EEF2K: variants seen among roughly 807,000 people sequenced by gnomAD.
EEF2K encodes alternative protein EEF2K.
A neutral mutation model predicts 93.8 loss-of-function variants in EEF2K; 70 were observed. The observed-to-expected ratio is 0.75, with a 90% CI of 0.62 to 0.91. EEF2K has a LOEUF of 0.91. Among genes scored for constraint, EEF2K ranks in the 40% least tolerant of loss-of-function variants. The pLI is 0.00. For missense variants in EEF2K, 935 were observed against 972.9 expected (o/e 0.96, Z 0.52); for synonymous variants, 376 against 380.8 (o/e 0.99, Z 0.15).
At chr16:22,214,384 G>A (rs1011223406) in intron 1 of EEF2K, among the ~76,000 whole-genome samples, 6 of 151,990 alleles carry the variant, frequency 3.9e-5, no homozygotes, top group East Asian at 3.9e-4. Flanking sequence ...TGAGGCTGCC[G>A]TGAGCCATGA....
chr16:22,250,616 G>A, intron 4 of EEF2K, 38 bp from the exon 5 acceptor site: 1 of 1,614,022 alleles, frequency 6.2e-7, no homozygotes, highest in Non-Finnish European at 8.5e-7. Flanking sequence ...TTTGGGTGGG[G>A]CATGGGGACT....
intron 1 of EEF2K, among the ~76,000 whole-genome samples, chr16:22,211,826 T>C (rs978569472): frequency 9.2e-5 from 14 of 152,152 alleles, no homozygotes; most frequent in African/African-American, 3.4e-4. Context: ...TTTCTTCACT[T>C]ACTCGTTCAT....
At chr16:22,260,651 G>T in intron 11 of EEF2K, 122 bp downstream of exon 11, 1 of 1,190,332 alleles carries the variant, frequency 8.4e-7, no homozygotes, top group African/African-American at 1.5e-5. Context: ...TGCCAGGAGG[G>T]CACAGAATGG....
chr16:22,209,342 G>A (rs1388411229), intron 1 of EEF2K, among the ~76,000 whole-genome samples: 1 of 152,132 alleles, frequency 6.6e-6, no homozygotes, highest in East Asian at 1.9e-4. Context: ...GATGTCTTTA[G>A]GGTTGTTATC....
chr16:22,273,185 G>A (rs902150753), intron 15 of EEF2K, among the ~76,000 whole-genome samples: 3 of 152,230 alleles, frequency 2.0e-5, no homozygotes, highest in Non-Finnish European at 4.4e-5. Context: ...TGCCCCACAG[G>A]CAGTGTGCTG....
chr16:22,275,164 G>A (rs2047622151), intron 16 of EEF2K, among the ~76,000 whole-genome samples: 1 of 152,160 alleles, frequency 6.6e-6, no homozygotes, highest in African/African-American at 2.4e-5. Flanking sequence ...GGGGCCTGGA[G>A]CTGGGCACTG....
At chr16:22,276,177 C>T (rs965171283) in intron 16 of EEF2K, among the ~76,000 whole-genome samples, 1 of 149,746 alleles carries the variant, frequency 6.7e-6, no homozygotes. Context: ...AACTCCTGGC[C>T]TCAAGCAATC....
chr16:22,246,992 C>T (rs1421323446), intron 3 of EEF2K, among the ~76,000 whole-genome samples: 5 of 139,652 alleles, frequency 3.6e-5, no homozygotes, highest in South Asian at 2.4e-4. Context: ...GAGCTGAGTT[C>T]GCCCCACTGC....
intron 2 of EEF2K, among the ~76,000 whole-genome samples, chr16:22,240,366 A>G (rs1160094063): frequency 6.6e-6 from 1 of 152,174 alleles, no homozygotes; most frequent in Non-Finnish European, 1.5e-5. Flanking sequence ...AATTTTAGTG[A>G]TTTGTTTACT....
rs955630344 is a variant in EEF2K, at chr16:22,288,331, G to C, written c.*4335G>C. ...TTTAAAATTATTTTTTGCAGAGACA[G>C]AGTTTCACTATGTTGCCCAGGCTGG... On this transcript the variant is annotated 3_prime_UTR_variant, in exon 18 of 18. Transcript: ENST00000263026. 12 of 152,178 alleles carry C rather than the reference G, an allele frequency of 7.9e-5. No homozygotes were observed. Among genetic ancestry groups the C allele is most frequent in the African/African-American group, 2.9e-4 (12 of 41,424 alleles). The allele number at this position is 152,178 out of a possible 1,614,324, so 9.4% of individuals were successfully genotyped here. A position where few individuals can be genotyped will look rare whatever the true frequency, so the allele number is the denominator to read the frequency against.
At position 22,240,607 on chromosome 16, in the gene EEF2K, A is replaced by G. The variant is rs901611841; in HGVS notation, c.247-4023A>G. On this transcript the variant is annotated intron_variant, in intron 2 of 17. Transcript: ENST00000263026. The stretch of plus-strand genomic sequence containing the variant: ...GGAGGTTAGGCAAATACCTTAAGGT[A>G]CATTTATATAATTATATATCTGGTA... Among the ~76,000 whole-genome samples, 4 of 152,202 alleles carry G rather than the reference A, an allele frequency of 2.6e-5. No individual in the cohort carries two copies. In the East Asian group the frequency reaches 7.7e-4, roughly 29 times the overall value.
chr16:22,244,616 T>C lies in EEF2K; in HGVS notation c.247-14T>C. 2 of 1,613,596 alleles carry C rather than the reference T, an allele frequency of 1.2e-6. No homozygotes were observed. The highest frequency in any genetic ancestry group is 8.5e-7 in the Non-Finnish European group (1 of 1,179,694). ...TGGGCCTGATGTTCCTACCTTCTCC[T>C]TTGCCTTCCACAGGAAGCCTGGAAG... is the stretch of plus-strand genomic sequence containing the variant. On this transcript the variant is annotated splice_polypyrimidine_tract_variant and intron_variant, in intron 2 of 17. Coordinates refer to ENST00000263026, the MANE Select transcript of EEF2K (RefSeq NM_013302.5).
chr16:22,217,228 T>TAGATAGAG (rs1555468299), intron 1 of EEF2K, among the ~76,000 whole-genome samples: 98 of 136,070 alleles, frequency 7.2e-4, no homozygotes, highest in African/African-American at 2.6e-3. Context: ...GATAGATAGA[T>TAGATAGAG]AGAGAGAGAG....
chr16:22,265,988 C>T (rs557771193), intron 13 of EEF2K, among the ~76,000 whole-genome samples: 3 of 152,170 alleles, frequency 2.0e-5, no homozygotes, highest in South Asian at 2.1e-4. Flanking sequence ...GATGGGGAAG[C>T]GCTTCCTTGA....
chr16:22,229,317 CAAAA>C (rs916960004), intron 2 of EEF2K, among the ~76,000 whole-genome samples: 2 of 152,040 alleles, frequency 1.3e-5, no homozygotes, highest in South Asian at 2.1e-4. Flanking sequence ...AAAAAACAAA[CAAAA>C]AAACACTTTT....
chr16:22,223,153 A>G (rs183644524), intron 1 of EEF2K, among the ~76,000 whole-genome samples: 261 of 150,810 alleles, frequency 1.7e-3, no homozygotes, highest in African/African-American at 6.1e-3. Flanking sequence ...CACCTCCCCT[A>G]GTGGTTGTAA....
chr16:22,228,454 C>T (rs1366110986), intron 2 of EEF2K, among the ~76,000 whole-genome samples: 1 of 152,126 alleles, frequency 6.6e-6, no homozygotes, highest in Non-Finnish European at 1.5e-5. Context: ...AAACCCATCT[C>T]TACTAAAAAT....
chr16:22,226,325 C>CTTTTT (rs935058417), intron 2 of EEF2K, among the ~76,000 whole-genome samples: 104 of 63,354 alleles, frequency 1.6e-3, no homozygotes, highest in Middle Eastern at 0.012. Context: ...AGGTGCTGTT[C>CTTTTT]TTTTTTTTTT....
At chr16:22,224,021 A>C (rs1598166259) in intron 1 of EEF2K, among the ~76,000 whole-genome samples, 1 of 152,170 alleles carries the variant, frequency 6.6e-6, no homozygotes, top group African/African-American at 2.4e-5. Context: ...AGCCTGGCCA[A>C]CATGGTGAAA....
Sources: gnomAD v4.1 joint callset for allele counts (sites outside exome capture counted in the v4.1 genomes callset) on GRCh38, gnomAD v4.1.1 for gene constraint, MANE v1.5 for transcripts, NCBI Gene and HGNC (gene_info 2026-07-23, HGNC 2026-07-21) for gene names.